The following SLC25A12 variants were observed in gnomAD, a reference collection of about 807,000 sequenced individuals.
SLC25A12 encodes the protein solute carrier family 25 member 12, also known as electrogenic aspartate/glutamate antiporter SLC25A12, mitochondrial.
SLC25A12 carries 32 observed loss-of-function variants against 83.3 expected under a neutral mutation model. The ratio of observed to expected loss-of-function variants is 0.38; its 90% CI spans 0.29 to 0.52. The LOEUF is 0.52. Ranked by LOEUF, SLC25A12 falls within the 20% of genes least tolerant of loss-of-function variation. The probability of loss-of-function intolerance (pLI) is 0.84; values close to 1 mark genes in which losing one functional copy is unlikely to be tolerated. For missense variants in SLC25A12, 611 were observed against 835.6 expected, an observed-to-expected ratio of 0.73 and a Z score of 3.31; for synonymous variants, 267 against 291.1, an observed-to-expected ratio of 0.92 and a Z score of 0.84.
intron 9 of SLC25A12, among the ~76,000 whole-genome samples, chr2:171,825,370 C>G (rs572524358): frequency 2.0e-5 from 3 of 152,062 alleles, no homozygotes; most frequent in Non-Finnish European, 4.4e-5. Flanking sequence ...ATCATCATTC[C>G]ATGGAGCTCA....
rs67489934 is a variant in SLC25A12, at chr2:171,885,671, CAATAAATAAATA to C, written c.66+7522_66+7533del. Among the ~76,000 whole-genome samples, 457 of 149,480 alleles carry C rather than the reference CAATAAATAAATA, an allele frequency of 3.1e-3. 7 individuals are homozygous for C. The highest frequency in any genetic ancestry group is 0.01 in the African/African-American group (422 of 40,492). ...TGGGTAACACAGTAAAACTCTGTCT[CAATAAATAAATA>C]AATAAATAAATAAATAAATAGGTTA... On this transcript the variant is annotated intron_variant, in intron 2 of 17. Transcript: ENST00000422440.
chr2:171,822,193 G>T (rs1437606099), intron 9 of SLC25A12, among the ~76,000 whole-genome samples: 3 of 152,178 alleles, frequency 2.0e-5, no homozygotes, highest in Non-Finnish European at 4.4e-5. Context: ...AGATTAAGCA[G>T]TTGTGTCACA....
intron 13 of SLC25A12, among the ~76,000 whole-genome samples, chr2:171,805,895 GC>G (rs1683814377): frequency 6.6e-6 from 1 of 152,176 alleles, no homozygotes; most frequent in African/African-American, 2.4e-5. Flanking sequence ...GGTTGCTTGA[GC>G]CCAGGAATTC....
At chr2:171,810,500 G>GCCC (rs1683926233) in intron 11 of SLC25A12, among the ~76,000 whole-genome samples, 2 of 152,130 alleles carry the variant, frequency 1.3e-5, no homozygotes, top group Non-Finnish European at 2.9e-5. Flanking sequence ...CTCTTCTTAA[G>GCCC]CATGCTTACT....
rs779561927 is a variant in SLC25A12, at chr2:171,791,598, C to T, written c.1447-9G>A. 14 of 1,613,546 alleles carry T rather than the reference C, an allele frequency of 8.7e-6. No individual in the cohort carries two copies. In the South Asian group the frequency reaches 1.4e-4, roughly 16 times the overall value. On this transcript the variant is annotated splice_polypyrimidine_tract_variant and intron_variant, in intron 14 of 17. Transcript: ENST00000422440. ...AAACACGCTTTGGCACCCTGTCACA[C>T]AGTGAGGAAATAGTGCAAAACAGTG...
chr2:171,786,374 A>ATG (rs1690489907), intron 17 of SLC25A12, among the ~76,000 whole-genome samples: 1 of 118,968 alleles, frequency 8.4e-6, no homozygotes, highest in Non-Finnish European at 1.8e-5. Context: ...ACAGAGCAAG[A>ATG]CTCCGTCTAA....
chr2:171,879,078 AT>A (rs1685634561), intron 2 of SLC25A12, among the ~76,000 whole-genome samples: 1 of 152,242 alleles, frequency 6.6e-6, no homozygotes, highest in South Asian at 2.1e-4. Context: ...GAAAAAAATT[AT>A]TTTAAATACA....
intron 2 of SLC25A12, among the ~76,000 whole-genome samples, chr2:171,887,933 CAATGAACACCACAGGAAA>C (rs1265315707): frequency 6.6e-6 from 1 of 152,046 alleles, no homozygotes; most frequent in Non-Finnish European, 1.5e-5. Context: ...ACTTGAGAAG[CAATGAACACCACAGGAAA>C]AATGAACCTA....
intron 13 of SLC25A12, among the ~76,000 whole-genome samples, chr2:171,805,297 G>A (rs748581355): frequency 4.6e-5 from 7 of 152,006 alleles, no homozygotes; most frequent in Non-Finnish European, 7.4e-5. Context: ...TTTCAGTAGA[G>A]ACGGGGTTTC....
chr2:171,852,688 C>G, intron 4 of SLC25A12: 1 of 455,316 alleles, frequency 2.2e-6, no homozygotes, highest in Non-Finnish European at 4.4e-6. Context: ...GATCCAAAAT[C>G]CTATAAAAAT....
chr2:171,815,881 A>AACT (rs1684041035), intron 9 of SLC25A12, among the ~76,000 whole-genome samples: 1 of 152,068 alleles, frequency 6.6e-6, no homozygotes, highest in Non-Finnish European at 1.5e-5. Flanking sequence ...TGACAGAATA[A>AACT]ACTAAATAAA....
intron 5 of SLC25A12, among the ~76,000 whole-genome samples, chr2:171,843,396 G>C (rs530625654): frequency 6.8e-6 from 1 of 146,324 alleles, no homozygotes; most frequent in Non-Finnish European, 1.5e-5. Context: ...CACTTTGGGT[G>C]GTCAAGGCAG....
intron 13 of SLC25A12, among the ~76,000 whole-genome samples, chr2:171,807,076 TAAC>T (rs1271766869): frequency 6.6e-6 from 1 of 152,266 alleles, no homozygotes; most frequent in East Asian, 1.9e-4. Context: ...AATTATGTTT[TAAC>T]AATCATTTAT....
intron 2 of SLC25A12, among the ~76,000 whole-genome samples, chr2:171,892,232 C>CTT (rs11442059): frequency 1.9e-3 from 283 of 146,300 alleles, no homozygotes; most frequent in East Asian, 6.0e-3. Context: ...TTTACATCTA[C>CTT]TTTTTTTTTT....
chr2:171,860,567 A>G (rs1052954123), intron 3 of SLC25A12, among the ~76,000 whole-genome samples: 1 of 152,128 alleles, frequency 6.6e-6, no homozygotes, highest in African/African-American at 2.4e-5. Context: ...GGGCCACTGC[A>G]CTCCAGCCTG....
chr2:171,865,018 A>T (rs1685255407), intron 3 of SLC25A12, among the ~76,000 whole-genome samples: 2 of 151,562 alleles, frequency 1.3e-5, no homozygotes, highest in Admixed American at 1.3e-4. Context: ...CACTCCCTAA[A>T]CTCTCCCCTA....
intron 9 of SLC25A12, among the ~76,000 whole-genome samples, chr2:171,823,302 A>G (rs1330290056): frequency 6.6e-6 from 1 of 152,258 alleles, no homozygotes; most frequent in Non-Finnish European, 1.5e-5. Flanking sequence ...TTCTGAAAAT[A>G]AAATCCATTG....
intron 5 of SLC25A12, among the ~76,000 whole-genome samples, chr2:171,841,967 G>T (rs1365154243): frequency 6.6e-6 from 1 of 152,110 alleles, no homozygotes; most frequent in Non-Finnish European, 1.5e-5. Flanking sequence ...AAAACAGTCA[G>T]GTGGTTTCTC....
intron 8 of SLC25A12, among the ~76,000 whole-genome samples, chr2:171,832,211 C>G (rs1170696103): frequency 6.6e-6 from 1 of 152,078 alleles, no homozygotes; most frequent in Non-Finnish European, 1.5e-5. Flanking sequence ...CATACTAATC[C>G]TGAGACATCT....
Sources: allele counts gnomAD v4.1 joint callset (sites outside exome capture counted in the v4.1 genomes callset), GRCh38; gene constraint gnomAD v4.1.1; transcripts MANE v1.5; gene names NCBI Gene and HGNC (gene_info 2026-07-23, HGNC 2026-07-21).